The following UNKL variants were observed in gnomAD, a reference collection of about 807,000 sequenced individuals.
UNKL encodes putative E3 ubiquitin-protein ligase UNKL.
In UNKL, 60 loss-of-function variants were observed where a neutral mutation model predicts 78.0. The observed-to-expected ratio is 0.77, with a 90% CI of 0.63 to 0.95. UNKL has a LOEUF of 0.95. Ranked by LOEUF, UNKL falls within the 40% of genes least tolerant of loss-of-function variation. The probability of loss-of-function intolerance (pLI) is 0.00; values close to 1 mark genes in which losing one functional copy is unlikely to be tolerated. For missense variants in UNKL, 1,159 were observed against 1,045.7 expected (o/e 1.11, Z -1.49); for synonymous variants, 608 against 474.8 (o/e 1.28, Z -3.65).
intron 11 of UNKL, 93 bp from the exon 12 acceptor site, chr16:1,370,450 A>G: frequency 6.9e-6 from 8 of 1,166,432 alleles, no homozygotes; most frequent in Non-Finnish European, 9.1e-6. Context: ...CGGACCCTGC[A>G]GGTGGTGGTG....
chr16:1,389,391 G>C (rs1476575232), intron 9 of UNKL, among the ~76,000 whole-genome samples: 1 of 152,154 alleles, frequency 6.6e-6, no homozygotes, highest in Non-Finnish European at 1.5e-5. Flanking sequence ...TTCGAGAACA[G>C]GCTGGGCAAC....
intron 11 of UNKL, 95 bp from the exon 12 acceptor site, chr16:1,370,452 G>C: frequency 6.8e-7 from 1 of 1,471,962 alleles, no homozygotes; most frequent in Admixed American, 2.5e-5. Flanking sequence ...GACCCTGCAG[G>C]TGGTGGTGGT....
chr16:1,364,893 C>G lies in UNKL; in HGVS notation c.*1347G>C, dbSNP rs80296423. 0.045 allele frequency: 6,866 copies of G among 152,496 alleles called. 487 individuals are homozygous for G. Among genetic ancestry groups the G allele is most frequent in the African/African-American group, 0.15 (6,409 of 41,536 alleles). 9.4% of individuals were successfully genotyped at this position (152,496 alleles called of 1,614,324 possible). ...CACGGGTGCTGGGGAGGCAACCACT[C>G]TCCCAGTTCACTGCCTGACCCCTGC... On this transcript the variant is annotated 3_prime_UTR_variant, in exon 15 of 15. Coordinates refer to ENST00000389221, the MANE Select transcript of UNKL (RefSeq NM_001372107.1).
At chr16:1,398,345 T>C (rs2142179047) in intron 5 of UNKL, 1 of 1,017,266 alleles carries the variant, frequency 9.8e-7, no homozygotes, top group East Asian at 1.1e-4. Context: ...TTTGTATTTA[T>C]GGGACACATT....
At position 1,364,348 on chromosome 16, in the gene UNKL, T is replaced by C. The variant is rs886703922; in HGVS notation, c.*1892A>G. The C allele has an allele frequency of 2.6e-5, 4 of 152,234 alleles. No individual in the cohort carries two copies. Among genetic ancestry groups the C allele is most frequent in the Non-Finnish European group, 4.4e-5 (3 of 68,040 alleles). The allele number at this position is 152,234 out of a possible 1,614,324, so 9.4% of individuals were successfully genotyped here. On this transcript the variant is annotated 3_prime_UTR_variant, in exon 15 of 15. Coordinates refer to ENST00000389221, the MANE Select transcript of UNKL (RefSeq NM_001372107.1). Reference sequence around the variant, plus strand: ...ATTAAATACATTCTAATTTGGTCACTGATGATAAAGATTTTTACCTAGACG... The same window carrying C: ...ATTAAATACATTCTAATTTGGTCACCGATGATAAAGATTTTTACCTAGACG...
intron 2 of UNKL, among the ~76,000 whole-genome samples, chr16:1,410,523 C>T (rs1421934901): frequency 3.3e-5 from 5 of 152,114 alleles, no homozygotes; most frequent in Admixed American, 3.3e-4. Flanking sequence ...AGGAGAATCG[C>T]TTGAACCCGG....
At chr16:1,374,877 A>G (rs992221222) in intron 10 of UNKL, among the ~76,000 whole-genome samples, 14 of 152,204 alleles carry the variant, frequency 9.2e-5, no homozygotes, top group African/African-American at 3.4e-4. Context: ...CTTTCCAGAC[A>G]TTTTCAGCAT....
At chr16:1,407,880 G>A (rs1320583917) in intron 2 of UNKL, among the ~76,000 whole-genome samples, 2 of 152,148 alleles carry the variant, frequency 1.3e-5, no homozygotes, top group African/African-American at 4.8e-5. Flanking sequence ...CTACACAGCT[G>A]CAGGCCACGT....
chr16:1,403,365 C>G lies in UNKL; in HGVS notation c.288-21G>C, dbSNP rs920873681. The G allele has an allele frequency of 2.5e-6, 4 of 1,610,944 alleles. No homozygotes were observed. The highest frequency in any genetic ancestry group is 1.7e-5 in the Admixed American group (1 of 59,732). On this transcript the variant is annotated intron_variant, in intron 2 of 14. Coordinates refer to ENST00000389221, the MANE Select transcript of UNKL (RefSeq NM_001372107.1). The surrounding 1 kb of genome is among the most constrained non-coding windows in gnomAD (Gnocchi z 4.8). ...GACACCTGGGGAGCAGAGAGGCACGCAATGCCTGGTTATCATGGACCCAGA... is the reference window on the plus strand; with the variant it reads ...GACACCTGGGGAGCAGAGAGGCACGGAATGCCTGGTTATCATGGACCCAGA...
rs113774367 is a variant in UNKL, at chr16:1,364,498, G to C, written c.*1742C>G. 6.6e-6 allele frequency: 1 copy of C among 152,228 alleles called. No individual in the cohort carries two copies. The highest frequency in any genetic ancestry group is 2.4e-5 in the African/African-American group (1 of 41,456). 9.4% of individuals were successfully genotyped at this position (152,228 alleles called of 1,614,324 possible). A position where few individuals can be genotyped will look rare whatever the true frequency, so the allele number is the denominator to read the frequency against. On this transcript the variant is annotated 3_prime_UTR_variant, in exon 15 of 15. Coordinates refer to ENST00000389221, the MANE Select transcript of UNKL (RefSeq NM_001372107.1). ...GTGGCCCGCGGAGAGCCAGGTCGCC[G>C]TAAACCACAGATGCCTGTTCCTGCT...
At chr16:1,398,488 C>T in intron 5 of UNKL, 3 of 1,227,842 alleles carry the variant, frequency 2.4e-6, no homozygotes, top group South Asian at 3.6e-5. Context: ...GGAGACTGAA[C>T]GTGGCATAAC....
At chr16:1,367,974 G>T in intron 12 of UNKL, 116 bp from the exon 13 acceptor site, 2 of 937,862 alleles carry the variant, frequency 2.1e-6, no homozygotes, top group South Asian at 1.7e-5. Context: ...GGGCTCACCT[G>T]CCCTGGCAGC....
At chr16:1,402,792 GACTA>G (rs2037586288) in intron 3 of UNKL, among the ~76,000 whole-genome samples, 1 of 150,984 alleles carries the variant, frequency 6.6e-6, no homozygotes, top group African/African-American at 2.4e-5. Flanking sequence ...AGACCATCCT[GACTA>G]ACATGGTGAA....
chr16:1,396,399 G>A (rs533689861), intron 6 of UNKL, among the ~76,000 whole-genome samples: 34 of 149,824 alleles, frequency 2.3e-4, no homozygotes, highest in African/African-American at 7.6e-4. Context: ...TGCTCCTCGC[G>A]TCTCAGCCTC....
chr16:1,395,889 A>G, intron 6 of UNKL: 1 of 406,694 alleles, frequency 2.5e-6, no homozygotes, highest in Admixed American at 2.6e-5. Context: ...GAGTCAAGAA[A>G]CGACGGGAAG....
intron 12 of UNKL, 68 bp from the exon 13 acceptor site, chr16:1,367,926 C>G (rs1027709755): frequency 7.1e-7 from 1 of 1,416,618 alleles, no homozygotes; most frequent in African/African-American, 1.4e-5. Flanking sequence ...TTGGTGGGTG[C>G]TATGCCCCAG....
intron 6 of UNKL, 135 bp from the exon 7 acceptor site, chr16:1,394,350 C>G: frequency 9.4e-7 from 1 of 1,062,272 alleles, no homozygotes; most frequent in East Asian, 2.6e-5. Flanking sequence ...GGGCGTGGGC[C>G]CTGCCCTCCT....
intron 2 of UNKL, 150 bp downstream of exon 2, chr16:1,413,696 G>A: frequency 2.3e-6 from 2 of 872,718 alleles, no homozygotes; most frequent in Non-Finnish European, 3.4e-6. Flanking sequence ...CAGCATCCCT[G>A]GTCACTAGAA....
intron 10 of UNKL, among the ~76,000 whole-genome samples, chr16:1,377,241 T>G (rs771078940): frequency 9.2e-5 from 14 of 152,156 alleles, no homozygotes; most frequent in Non-Finnish European, 1.8e-4. Context: ...AGGCTGGTCA[T>G]GAACTCCCCA....
Sources: allele counts gnomAD v4.1 joint callset (sites outside exome capture counted in the v4.1 genomes callset), GRCh38; gene constraint gnomAD v4.1.1; non-coding constraint Gnocchi (gnomAD v3.1); transcripts MANE v1.5; gene names NCBI Gene and HGNC (gene_info 2026-07-23, HGNC 2026-07-21).